The following UNC5C variants were observed in gnomAD, a reference collection of about 807,000 sequenced individuals.
The protein encoded by UNC5C is netrin receptor UNC5C.
UNC5C carries 47 observed loss-of-function variants against 99.8 expected under a neutral mutation model. The observed-to-expected ratio is 0.47, with a 90% CI of 0.37 to 0.60. The LOEUF (loss-of-function observed/expected upper bound fraction) is 0.60. Ranked by LOEUF, UNC5C falls within the 20% of genes least tolerant of loss-of-function variation. The pLI, the probability that UNC5C is intolerant of heterozygous loss-of-function variation, is 0.00. For synonymous variants in UNC5C, 487 were observed against 452.2 expected, an observed-to-expected ratio of 1.08 and a Z score of -0.98; for missense variants, 1,062 against 1,165.9, an observed-to-expected ratio of 0.91 and a Z score of 1.30.
At chr4:95,317,415 C>T (rs1468533620) in intron 2 of UNC5C, among the ~76,000 whole-genome samples, 2 of 151,994 alleles carry the variant, frequency 1.3e-5, no homozygotes, top group Non-Finnish European at 2.9e-5. Context: ...GTTGCTAGGC[C>T]AAGCAAAAAT....
intron 3 of UNC5C, among the ~76,000 whole-genome samples, chr4:95,279,975 C>T (rs1740994614): frequency 6.6e-6 from 1 of 152,112 alleles, no homozygotes; most frequent in African/African-American, 2.4e-5. Context: ...CTGTAGTTCA[C>T]ATAGGGTTCA....
At chr4:95,169,755 AAGT>A (rs10579450) in intron 15 of UNC5C, among the ~76,000 whole-genome samples, 65,422 of 151,888 alleles carry the variant, frequency 0.43, 16,534 homozygotes, top group Admixed American at 0.58. Flanking sequence ...ACACTCCACA[AAGT>A]AGACGCTCCA....
At chr4:95,282,463 G>A (rs935565544) in intron 3 of UNC5C, among the ~76,000 whole-genome samples, 5 of 152,172 alleles carry the variant, frequency 3.3e-5, no homozygotes, top group African/African-American at 1.2e-4. Flanking sequence ...AGGTTCACTG[G>A]AAAATCAACT....
At chr4:95,203,226 G>A (rs190474475) in intron 11 of UNC5C, among the ~76,000 whole-genome samples, 59 of 152,154 alleles carry the variant, frequency 3.9e-4, no homozygotes, top group Non-Finnish European at 6.8e-4. Context: ...AAATCTGTAC[G>A]TGTGAAAAGA....
chr4:95,242,320 A>T, intron 7 of UNC5C, 109 bp downstream of exon 7: 1 of 1,443,786 alleles, frequency 6.9e-7, no homozygotes, highest in Non-Finnish European at 9.3e-7. Flanking sequence ...ATGTTATTGC[A>T]TTTTATTGTT....
chr4:95,187,350 T>A (rs1444535893), intron 12 of UNC5C, among the ~76,000 whole-genome samples: 1 of 152,218 alleles, frequency 6.6e-6, no homozygotes, highest in East Asian at 1.9e-4. Context: ...CTGATTACTA[T>A]AGATCTTCAT....
chr4:95,342,723 C>T (rs892235570), intron 1 of UNC5C, among the ~76,000 whole-genome samples: 15 of 152,002 alleles, frequency 9.9e-5, no homozygotes, highest in African/African-American at 3.6e-4. Flanking sequence ...ACATGAATCC[C>T]TTGAGGTTCC....
chr4:95,262,854 G>A (rs948197234), intron 4 of UNC5C, among the ~76,000 whole-genome samples: 7 of 151,122 alleles, frequency 4.6e-5, no homozygotes, highest in Non-Finnish European at 7.4e-5. Context: ...TCACTCTGTC[G>A]CCCAGGCTGG....
intron 1 of UNC5C, among the ~76,000 whole-genome samples, chr4:95,522,245 A>C (rs1419416799): frequency 3.3e-5 from 5 of 152,094 alleles, no homozygotes; most frequent in African/African-American, 1.2e-4. Context: ...CCTTCCTATA[A>C]AATAATTTAA....
chr4:95,264,615 A>G (rs1388802355), intron 4 of UNC5C, among the ~76,000 whole-genome samples: 1 of 152,062 alleles, frequency 6.6e-6, no homozygotes, highest in Admixed American at 6.6e-5. Context: ...TATGCTTCAG[A>G]CTTCTCTTTC....
intron 12 of UNC5C, among the ~76,000 whole-genome samples, chr4:95,189,279 G>A (rs1465968499): frequency 1.3e-5 from 2 of 152,184 alleles, no homozygotes; most frequent in Admixed American, 1.3e-4. Context: ...TCCTTTCACA[G>A]TTCTTTTATT....
intron 2 of UNC5C, 114 bp downstream of exon 2, chr4:95,335,296 G>T (rs961563541): frequency 2.0e-6 from 2 of 1,022,638 alleles, no homozygotes; most frequent in African/African-American, 3.2e-5. Flanking sequence ...AAAACTTTTT[G>T]TCAGAGAATA....
chr4:95,301,147 G>T lies in UNC5C; in HGVS notation c.490+459C>A, dbSNP rs554893367. 2.1e-3 allele frequency among the ~76,000 whole-genome samples: 310 copies of T among 150,592 alleles called. 2 individuals carry two copies. The highest frequency in any genetic ancestry group is 7.2e-3 in the African/African-American group (296 of 41,164). On this transcript the variant is annotated intron_variant, in intron 3 of 15. Coordinates refer to ENST00000453304, the MANE Select transcript of UNC5C (RefSeq NM_003728.4). Reference sequence around the variant, plus strand: ...AAAATGAAATCTTGGCGACCTAAGAGGAATATGTGGCTCAAATGCAGAAAT... The same window carrying T: ...AAAATGAAATCTTGGCGACCTAAGATGAATATGTGGCTCAAATGCAGAAAT...
chr4:95,329,744 C>T (rs906392315), intron 2 of UNC5C, among the ~76,000 whole-genome samples: 1 of 152,138 alleles, frequency 6.6e-6, no homozygotes, highest in Non-Finnish European at 1.5e-5. Flanking sequence ...GATACTATAA[C>T]TAGTTTTTAA....
At chr4:95,354,479 A>ATATCTATTTTTTTT in intron 1 of UNC5C, among the ~76,000 whole-genome samples, 1 of 110,352 alleles carries the variant, frequency 9.1e-6, no homozygotes, top group Non-Finnish European at 1.8e-5. Flanking sequence ...ATATATATAT[A>ATATCTATTTTTTTT]TTTTTTTTTT....
rs910596834 is a variant in UNC5C at position 95,506,771 on chromosome 4, A to T, written c.124+41963T>A. 2.3e-4 allele frequency among the ~76,000 whole-genome samples: 35 copies of T among 152,020 alleles called. 1 individual carries two copies. In the East Asian group the frequency reaches 4.2e-3, roughly 18 times the overall value. The stretch of plus-strand genomic sequence containing the variant: ...TCATATATATACACACAATATGGTG[A>T]TAATAATATATATATTATATGCCAA... On this transcript the variant is annotated intron_variant, in intron 1 of 15. Transcript: ENST00000453304.
At chr4:95,176,407 A>G (rs1277514306) in intron 14 of UNC5C, among the ~76,000 whole-genome samples, 2 of 151,606 alleles carry the variant, frequency 1.3e-5, no homozygotes, top group Admixed American at 6.6e-5. Context: ...ATGGTGATGT[A>G]CAGATGGGTT....
Position 95,216,126 on chromosome 4 carries a change from C to T in UNC5C, c.1731G>A (p.Met577Ile). ...TGCACCAGAAAAAGCATATTTACCT[C>T]ATAGTTTCTTTCCTGTGTACAGTCA... The part of the protein sequence containing the change: ...MYVTVHRKET[M>I]RPPMDDSQTL... The change falls in exon 10 of 16, where the codon ATG (methionine) becomes ATA (isoleucine). Residue 577 changes from methionine (M) to isoleucine (I), a missense_variant and splice_region_variant. Transcript: ENST00000453304. 6.2e-7 allele frequency: 1 copy of T among 1,612,744 alleles called. No individual in the cohort carries two copies. Among genetic ancestry groups the T allele is most frequent in the Non-Finnish European group, 8.5e-7 (1 of 1,179,228 alleles).
intron 7 of UNC5C, among the ~76,000 whole-genome samples, chr4:95,240,851 A>G (rs559856761): frequency 2.4e-4 from 36 of 152,296 alleles, no homozygotes; most frequent in African/African-American, 8.2e-4. Context: ...ATAATTTAAA[A>G]TGTGACATTT....
Sources: gnomAD v4.1 joint callset for allele counts (sites outside exome capture counted in the v4.1 genomes callset) on GRCh38, gnomAD v4.1.1 for gene constraint, MANE v1.5 for transcripts, NCBI Gene and HGNC (gene_info 2026-07-23, HGNC 2026-07-21) for gene names.